Variants in DTWD2 observed in about 807,000 individuals in gnomAD.
DTWD2 encodes tRNA-uridine aminocarboxypropyltransferase 2.
A neutral mutation model predicts 31.8 loss-of-function variants in DTWD2; 39 were observed. The observed-to-expected ratio is 1.22, with a 90% CI of 0.95 to 1.60. DTWD2 has a LOEUF of 1.60. DTWD2 is among the 40% of genes most tolerant of loss of function. DTWD2 has a pLI of 0.00. For synonymous variants in DTWD2, 180 were observed against 142.8 expected, an observed-to-expected ratio of 1.26 and a Z score of -1.86; for missense variants, 515 against 381.5, an observed-to-expected ratio of 1.35 and a Z score of -2.92.
At chr5:118,897,123 A>G (rs912619917) in intron 4 of DTWD2, among the ~76,000 whole-genome samples, 1 of 152,228 alleles carries the variant, frequency 6.6e-6, no homozygotes. Context: ...AACTCAGTAT[A>G]TAGTGGAACT....
intron 4 of DTWD2, among the ~76,000 whole-genome samples, chr5:118,927,158 C>A (rs1350939330): frequency 6.6e-6 from 1 of 151,916 alleles, no homozygotes; most frequent in Non-Finnish European, 1.5e-5. Context: ...AGGTACTAAT[C>A]CCATCATGAG....
intron 4 of DTWD2, among the ~76,000 whole-genome samples, chr5:118,889,007 A>G (rs1287080046): frequency 6.6e-6 from 1 of 152,216 alleles, no homozygotes; most frequent in African/African-American, 2.4e-5. Flanking sequence ...TTTTTCTCAG[A>G]TAATTCCTTG....
intron 4 of DTWD2, among the ~76,000 whole-genome samples, chr5:118,856,931 C>T (rs559984469): frequency 1.2e-4 from 18 of 151,790 alleles, no homozygotes; most frequent in African/African-American, 3.6e-4. Flanking sequence ...TGCCACCACG[C>T]CCAATTAATT....
chr5:118,981,286 C>T (rs1170953945), intron 1 of DTWD2, among the ~76,000 whole-genome samples: 1 of 152,078 alleles, frequency 6.6e-6, no homozygotes, highest in Non-Finnish European at 1.5e-5. Context: ...GTGATGGCTA[C>T]ACACATTATA....
chr5:118,939,027 G>A (rs1186024324), intron 3 of DTWD2, among the ~76,000 whole-genome samples, 169 bp downstream of exon 3: 1 of 151,520 alleles, frequency 6.6e-6, no homozygotes, highest in African/African-American at 2.4e-5. Context: ...GTTTTGTTTT[G>A]TTTTGTCTTG....
intron 1 of DTWD2, among the ~76,000 whole-genome samples, chr5:118,965,858 T>C (rs575483306): frequency 2.0e-5 from 3 of 152,200 alleles, no homozygotes; most frequent in South Asian, 2.1e-4. Flanking sequence ...CTTGTTTGTC[T>C]GCTGACCTTC....
rs538511508 is a variant in DTWD2, at chr5:118,921,232, T to C, written c.597+7305A>G. On this transcript the variant is annotated intron_variant, in intron 4 of 5. Coordinates refer to ENST00000510708, the MANE Select transcript of DTWD2 (RefSeq NM_173666.4). Reference sequence around the variant, plus strand: ...GTGTGGATATATTCTGCCAACAAAATTATGAATAATATGCAAAGGTAAAAA... The same window carrying C: ...GTGTGGATATATTCTGCCAACAAAACTATGAATAATATGCAAAGGTAAAAA... Among the ~76,000 whole-genome samples, 4 of 152,124 alleles carry C rather than the reference T, an allele frequency of 2.6e-5. No individual in the cohort carries two copies. The East Asian group carries it at 7.7e-4, about 29-fold the overall frequency.
At chr5:118,948,998 G>T (rs1471713636) in intron 1 of DTWD2, among the ~76,000 whole-genome samples, 1 of 152,198 alleles carries the variant, frequency 6.6e-6, no homozygotes, top group Non-Finnish European at 1.5e-5. Flanking sequence ...GATCAGCAGG[G>T]AGAGAACGTG....
intron 4 of DTWD2, among the ~76,000 whole-genome samples, chr5:118,849,788 A>C (rs1751954354): frequency 6.6e-6 from 1 of 152,122 alleles, no homozygotes; most frequent in Admixed American, 6.5e-5. Context: ...CGAAAACCAA[A>C]CACCACATGT....
At chr5:118,967,662 A>T (rs1754883701) in intron 1 of DTWD2, among the ~76,000 whole-genome samples, 1 of 152,218 alleles carries the variant, frequency 6.6e-6, no homozygotes, top group Non-Finnish European at 1.5e-5. Context: ...TAAAATAAAT[A>T]TCCATAATTC....
intron 4 of DTWD2, among the ~76,000 whole-genome samples, chr5:118,912,500 G>A (rs1387682920): frequency 3.3e-5 from 5 of 152,148 alleles, no homozygotes; most frequent in Non-Finnish European, 5.9e-5. Flanking sequence ...CAACCACCCC[G>A]GTCTTCATTC....
At chr5:118,988,235 C>T (rs1292253173) in intron 1 of DTWD2, 59 bp downstream of exon 1, 1 of 1,530,102 alleles carries the variant, frequency 6.5e-7, no homozygotes, top group Non-Finnish European at 8.7e-7. Context: ...CAGGGGGCGC[C>T]GCACCCTCCT....
chr5:118,880,053 A>G (rs1752708097), intron 4 of DTWD2, among the ~76,000 whole-genome samples: 1 of 152,252 alleles, frequency 6.6e-6, no homozygotes, highest in African/African-American at 2.4e-5. Flanking sequence ...GCACCGACAC[A>G]GAAAGATAAC....
chr5:118,842,143 T>C (rs954789896), intron 5 of DTWD2, among the ~76,000 whole-genome samples: 1 of 152,144 alleles, frequency 6.6e-6, no homozygotes, highest in African/African-American at 2.4e-5. Flanking sequence ...AAGGGCTTAA[T>C]AGCTTTAATT....
Position 118,850,339 on chromosome 5 carries a change from T to C in DTWD2, c.598-2121A>G, listed in dbSNP as rs1428235913. ...AAAAAAAAAAAAAAACATTGCCAGG[T>C]GTGGTGCATGCGCCTATAATCCCAG... On this transcript the variant is annotated intron_variant, in intron 4 of 5. Transcript: ENST00000510708. 2.8e-5 allele frequency among the ~76,000 whole-genome samples: 4 copies of C among 143,690 alleles called. No homozygotes were observed. The East Asian group carries it at 8.1e-4, about 29-fold the overall frequency. The allele number at this position is 143,690 out of a possible 152,430, so 94.3% of individuals were successfully genotyped here.
intron 4 of DTWD2, among the ~76,000 whole-genome samples, chr5:118,853,034 A>G (rs1752046969): frequency 6.6e-6 from 1 of 152,180 alleles, no homozygotes; most frequent in South Asian, 2.1e-4. Context: ...GCATAAAGAC[A>G]GGAACACAGA....
intron 4 of DTWD2, among the ~76,000 whole-genome samples, chr5:118,926,405 G>T (rs988821662): frequency 6.6e-6 from 1 of 152,106 alleles, no homozygotes; most frequent in Non-Finnish European, 1.5e-5. Flanking sequence ...GAAGGAGGGA[G>T]GTGAGGAGTA....
intron 4 of DTWD2, among the ~76,000 whole-genome samples, chr5:118,923,299 G>A (rs569854780): frequency 2.0e-5 from 3 of 152,160 alleles, no homozygotes; most frequent in East Asian, 1.9e-4. Context: ...CATTCAGGGC[G>A]CCAGAGCGAG....
chr5:118,869,550 A>G lies in DTWD2; in HGVS notation c.598-21332T>C, dbSNP rs895983644. Among the ~76,000 whole-genome samples, 5 of 152,198 alleles carry G rather than the reference A, an allele frequency of 3.3e-5. No homozygotes were observed. In the South Asian group the frequency reaches 6.2e-4, roughly 19 times the overall value. Reference sequence around the variant, plus strand: ...ATTTTTGTTGCCAACCTGAAAAACAAGAGCTGCTCTCTTTATAAATAACAG... The same window carrying G: ...ATTTTTGTTGCCAACCTGAAAAACAGGAGCTGCTCTCTTTATAAATAACAG... On this transcript the variant is annotated intron_variant, in intron 4 of 5. Transcript: ENST00000510708.
Sources: gnomAD v4.1 joint callset for allele counts (sites outside exome capture counted in the v4.1 genomes callset) on GRCh38, gnomAD v4.1.1 for gene constraint, MANE v1.5 for transcripts, NCBI Gene and HGNC (gene_info 2026-07-23, HGNC 2026-07-21) for gene names.